The following GUCY1A2 variants were observed in gnomAD, a reference collection of about 807,000 sequenced individuals.
GUCY1A2 encodes guanylate cyclase 1 soluble subunit alpha 2.
GUCY1A2 carries 27 observed loss-of-function variants against 63.5 expected under a neutral mutation model. The observed-to-expected ratio is 0.43, with a 90% CI of 0.31 to 0.59. The LOEUF (loss-of-function observed/expected upper bound fraction) is 0.59, where lower values mean the gene tolerates loss of function less well. Among genes scored for constraint, GUCY1A2 ranks in the 20% least tolerant of loss-of-function variants. The probability of loss-of-function intolerance (pLI) is 0.11; values close to 1 mark genes in which losing one functional copy is unlikely to be tolerated. For synonymous variants in GUCY1A2, 364 were observed against 343.5 expected (o/e 1.06, Z -0.66); for missense variants, 768 against 913.3 (o/e 0.84, Z 2.05).
chr11:106,725,895 C>T (rs1228061571), intron 6 of GUCY1A2, among the ~76,000 whole-genome samples: 2 of 151,726 alleles, frequency 1.3e-5, no homozygotes, highest in African/African-American at 2.4e-5. Context: ...TTTTATATAC[C>T]CATCCACAGA....
At chr11:106,996,589 G>A (rs1366313938) in intron 1 of GUCY1A2, among the ~76,000 whole-genome samples, 1 of 152,170 alleles carries the variant, frequency 6.6e-6, no homozygotes. Flanking sequence ...TGAGTAATAA[G>A]ACACATTTCA....
At chr11:106,755,261 AGTCT>A (rs1329687795) in intron 6 of GUCY1A2, among the ~76,000 whole-genome samples, 1 of 151,892 alleles carries the variant, frequency 6.6e-6, no homozygotes, top group African/African-American at 2.4e-5. Context: ...TCTTGCTAGC[AGTCT>A]GTCTATTTTG....
chr11:106,867,332 A>G (rs1488196572), intron 4 of GUCY1A2, among the ~76,000 whole-genome samples: 2 of 152,096 alleles, frequency 1.3e-5, no homozygotes, highest in Non-Finnish European at 2.9e-5. Context: ...CCATTCTGAA[A>G]ACACCACAGT....
At chr11:106,749,431 G>T (rs1863847188) in intron 6 of GUCY1A2, among the ~76,000 whole-genome samples, 1 of 152,052 alleles carries the variant, frequency 6.6e-6, no homozygotes, top group South Asian at 2.1e-4. Flanking sequence ...GAATCCCTCT[G>T]CTGCTCCACC....
intron 6 of GUCY1A2, among the ~76,000 whole-genome samples, chr11:106,723,918 A>G (rs543880384): frequency 1.3e-5 from 2 of 151,916 alleles, no homozygotes; most frequent in South Asian, 4.1e-4. Flanking sequence ...TTTGAAATGT[A>G]TTGTTTTCTT....
chr11:106,895,511 A>G (rs1402475230), intron 4 of GUCY1A2, among the ~76,000 whole-genome samples: 3 of 152,134 alleles, frequency 2.0e-5, no homozygotes, highest in Non-Finnish European at 4.4e-5. Flanking sequence ...TTCTCATGAT[A>G]GTAAGTCTTA....
intron 4 of GUCY1A2, among the ~76,000 whole-genome samples, chr11:106,932,972 A>G (rs1860623101): frequency 6.6e-6 from 1 of 152,174 alleles, no homozygotes; most frequent in Non-Finnish European, 1.5e-5. Context: ...TGAACTCAAG[A>G]TGGATTAAAT....
chr11:106,765,859 G>C (rs1052785431), intron 6 of GUCY1A2, among the ~76,000 whole-genome samples: 11 of 152,100 alleles, frequency 7.2e-5, no homozygotes, highest in Non-Finnish European at 1.5e-4. Flanking sequence ...TTTTATGATT[G>C]ATTGGTTTAA....
intron 7 of GUCY1A2, among the ~76,000 whole-genome samples, chr11:106,688,386 A>C (rs564059958): frequency 1.3e-5 from 2 of 152,284 alleles, no homozygotes; most frequent in South Asian, 4.1e-4. Flanking sequence ...CTTTTTCAAA[A>C]CACTAACAAC....
chr11:106,863,698 T>C (rs1859546953), intron 4 of GUCY1A2, among the ~76,000 whole-genome samples: 1 of 152,186 alleles, frequency 6.6e-6, no homozygotes, highest in Non-Finnish European at 1.5e-5. Context: ...TTGATGGGGA[T>C]AGCATTGAGT....
intron 4 of GUCY1A2, among the ~76,000 whole-genome samples, chr11:106,831,294 G>C (rs1389122007): frequency 3.3e-5 from 5 of 152,128 alleles, no homozygotes; most frequent in African/African-American, 1.2e-4. Flanking sequence ...ACATTCCCGT[G>C]AACATGAACA....
At position 106,826,358 on chromosome 11, in the gene GUCY1A2, G is replaced by A. The variant is rs1226472992; in HGVS notation, c.1207-15880C>T. The A allele has an allele frequency of 4.7e-6, 7 of 1,474,004 alleles. No individual in the cohort carries two copies. In the Admixed American group the frequency reaches 1.4e-4, roughly 29 times the overall value. The allele number at this position is 1,474,004 out of a possible 1,614,324, so 91.3% of individuals were successfully genotyped here. On this transcript the variant is annotated intron_variant, in intron 4 of 7. Coordinates refer to ENST00000526355, the MANE Select transcript of GUCY1A2 (RefSeq NM_000855.3). ...ACTTGTGATTTTTCTGGTGTCATTT[G>A]GAACTTTATATGATTCTTGAAGAAA...
At chr11:107,003,055 T>TA (rs1010058508) in intron 1 of GUCY1A2, among the ~76,000 whole-genome samples, 7 of 152,148 alleles carry the variant, frequency 4.6e-5, no homozygotes, top group Admixed American at 4.6e-4. Flanking sequence ...AGTTTTTTTT[T>TA]ACTTATCTTT....
intron 4 of GUCY1A2, among the ~76,000 whole-genome samples, chr11:106,916,618 T>C (rs1860373499): frequency 6.9e-6 from 1 of 145,662 alleles, no homozygotes; most frequent in Middle Eastern, 3.6e-3. Flanking sequence ...TGAACATAGA[T>C]ATATATGTAT....
At chr11:106,707,921 A>C (rs1270300860) in intron 7 of GUCY1A2, among the ~76,000 whole-genome samples, 1 of 152,108 alleles carries the variant, frequency 6.6e-6, no homozygotes, top group African/African-American at 2.4e-5. Context: ...CTTTTTGAGA[A>C]CCAACACGAT....
chr11:106,978,752 A>G lies in GUCY1A2; in HGVS notation c.366-12T>C, dbSNP rs1260184917. ...CTGCATCCCTGTAACTAAGAAGAAA[A>G]CAAAATTAGCATAAGGAGAAATTTT... On this transcript the variant is annotated splice_polypyrimidine_tract_variant and intron_variant, in intron 2 of 7. Coordinates refer to ENST00000526355, the MANE Select transcript of GUCY1A2 (RefSeq NM_000855.3). 1.3e-6 allele frequency: 2 copies of G among 1,587,414 alleles called. No individual in the cohort carries two copies. Among genetic ancestry groups the G allele is most frequent in the South Asian group, 2.3e-5 (2 of 86,736 alleles).
chr11:106,911,552 C>T (rs942774975), intron 4 of GUCY1A2, among the ~76,000 whole-genome samples: 1 of 151,988 alleles, frequency 6.6e-6, no homozygotes, highest in East Asian at 1.9e-4. Flanking sequence ...GACAATTATC[C>T]TTTAAATGCC....
intron 1 of GUCY1A2, among the ~76,000 whole-genome samples, chr11:107,007,558 T>G (rs750907416): frequency 6.6e-6 from 1 of 152,182 alleles, no homozygotes; most frequent in East Asian, 1.9e-4. Context: ...TACCTCTGCA[T>G]GTCATACTCA....
rs1171314581 is a variant in GUCY1A2 at position 106,828,239 on chromosome 11, C to CA, written c.1207-17762_1207-17761insT. Among the ~76,000 whole-genome samples, 17 of 151,914 alleles carry CA rather than the reference C, an allele frequency of 1.1e-4. No homozygotes were observed. In the East Asian group the frequency reaches 3.3e-3, roughly 29 times the overall value. On this transcript the variant is annotated intron_variant, in intron 4 of 7. Transcript: ENST00000526355. ...TCTATTTTTGGTTTTGTTGCATTTGCTTTTGGGGTCTTCATCATAAATTAT... is the reference window on the plus strand; with the variant it reads ...TCTATTTTTGGTTTTGTTGCATTTGCATTTTGGGGTCTTCATCATAAATTAT...
Sources: gnomAD v4.1 joint callset for allele counts (sites outside exome capture counted in the v4.1 genomes callset) on GRCh38, gnomAD v4.1.1 for gene constraint, MANE v1.5 for transcripts, NCBI Gene and HGNC (gene_info 2026-07-23, HGNC 2026-07-21) for gene names.